The following PXK variants were observed in gnomAD, a reference collection of about 807,000 sequenced individuals.
PXK encodes the protein PX domain-containing protein kinase-like protein.
PXK carries 35 observed loss-of-function variants against 84.7 expected under a neutral mutation model. The ratio of observed to expected loss-of-function variants is 0.41; its 90% CI spans 0.32 to 0.55. The LOEUF (loss-of-function observed/expected upper bound fraction) is 0.55, where lower values mean the gene tolerates loss of function less well. Among genes scored for constraint, PXK ranks in the 20% least tolerant of loss-of-function variants. PXK has a pLI of 0.21. For synonymous variants in PXK, 253 were observed against 260.8 expected (o/e 0.97, Z 0.29); for missense variants, 634 against 699.7 (o/e 0.91, Z 1.06).
chr3:58,382,830 A>T, intron 4 of PXK, 130 bp downstream of exon 4: 2 of 640,536 alleles, frequency 3.1e-6, no homozygotes, highest in Admixed American at 3.9e-5. Flanking sequence ...GCATATTATG[A>T]ATTTACTAAG....
At chr3:58,402,919 AC>A (rs1269524092) in intron 12 of PXK, among the ~76,000 whole-genome samples, 43 of 152,120 alleles carry the variant, frequency 2.8e-4, no homozygotes, top group African/African-American at 1.0e-3. Flanking sequence ...TAAGCCCAGT[AC>A]GCAATATTTA....
intron 17 of PXK, chr3:58,422,845 A>G (rs867843831): frequency 3.0e-6 from 3 of 985,370 alleles, no homozygotes; most frequent in South Asian, 4.7e-5. Context: ...ACTCCCAAGT[A>G]CCGCCGCAGC....
Position 58,407,676 on chromosome 3 carries a change from C to G in PXK, c.1231-1248C>G, listed in dbSNP as rs1451658797. 6.6e-6 allele frequency among the ~76,000 whole-genome samples: 1 copy of G among 152,118 alleles called. No homozygotes were observed. The highest frequency in any genetic ancestry group is 1.5e-5 in the Non-Finnish European group (1 of 68,018). ...TCCCAGGTTCAAGTGATCTTCCTGC[C>G]TCAGCCTCCCAAGTAGATTACAGGC... is the stretch of plus-strand genomic sequence containing the variant. On this transcript the variant is annotated intron_variant, in intron 13 of 17. Coordinates refer to ENST00000356151, the MANE Select transcript of PXK (RefSeq NM_017771.5). This position sits in a 1 kb window ranked among gnomAD's most constrained non-coding sequence, Gnocchi z 4.3.
intron 1 of PXK, among the ~76,000 whole-genome samples, chr3:58,355,591 A>C (rs1369748865): frequency 6.6e-6 from 1 of 152,258 alleles, no homozygotes; most frequent in Non-Finnish European, 1.5e-5. Flanking sequence ...TTGAGTACCT[A>C]CTACTGTGCA....
rs71311853 is a variant in PXK at position 58,333,425 on chromosome 3, C to G, written c.102+335C>G. 2 of 343,292 alleles carry G rather than the reference C, an allele frequency of 5.8e-6. No individual in the cohort carries two copies. The highest frequency in any genetic ancestry group is 2.1e-5 in the South Asian group (1 of 47,468). 21.3% of individuals were successfully genotyped at this position (343,292 alleles called of 1,614,324 possible). A position where few individuals can be genotyped will look rare whatever the true frequency, so the allele number is the denominator to read the frequency against. On this transcript the variant is annotated intron_variant, in intron 1 of 17. Coordinates refer to ENST00000356151, the MANE Select transcript of PXK (RefSeq NM_017771.5). The surrounding 1 kb of genome is among the most constrained non-coding windows in gnomAD (Gnocchi z 5.4). ...CCGGGCTCACCTTGGACTAGGGGAG[C>G]AGGAACGAGACCGCTCAGGACCATC...
At chr3:58,347,622 C>G (rs2097847508) in intron 1 of PXK, among the ~76,000 whole-genome samples, 1 of 152,008 alleles carries the variant, frequency 6.6e-6, no homozygotes, top group Non-Finnish European at 1.5e-5. Flanking sequence ...ATCCATTCAC[C>G]AGTTGGTAGA....
intron 6 of PXK, 54 bp downstream of exon 6, chr3:58,391,274 A>G (rs1317716480): frequency 2.1e-6 from 3 of 1,438,766 alleles, no homozygotes; most frequent in African/African-American, 1.4e-5. Context: ...GGGTTAATGA[A>G]AGCAGATTTG....
At chr3:58,345,326 G>T (rs987673208) in intron 1 of PXK, among the ~76,000 whole-genome samples, 3 of 152,054 alleles carry the variant, frequency 2.0e-5, no homozygotes, top group African/African-American at 7.3e-5. Flanking sequence ...ATAGGGAATG[G>T]TACAGACTCT....
Position 58,360,620 on chromosome 3 carries a change from C to T in PXK, c.103-5254C>T, listed in dbSNP as rs183150204. Among the ~76,000 whole-genome samples the T allele has an allele frequency of 2.8e-3, 428 of 152,014 alleles. 2 individuals carry two copies. The highest frequency in any genetic ancestry group is 5.1e-3 in the Non-Finnish European group (345 of 67,984). On this transcript the variant is annotated intron_variant, in intron 1 of 17. Coordinates refer to ENST00000356151, the MANE Select transcript of PXK (RefSeq NM_017771.5). ...CCCAGGGTGGGCAGATCACTTGAGTCCAGGAGTTTGAGACCAGCCTGGGCA... is the reference window on the plus strand; with the variant it reads ...CCCAGGGTGGGCAGATCACTTGAGTTCAGGAGTTTGAGACCAGCCTGGGCA...
Position 58,383,297 on chromosome 3 carries a change from G to GATA in PXK, c.388+612_388+614dup, listed in dbSNP as rs886102818. Among the ~76,000 whole-genome samples, 3 of 151,820 alleles carry GATA rather than the reference G, an allele frequency of 2.0e-5. No individual in the cohort carries two copies. The highest frequency in any genetic ancestry group is 6.6e-5 in the Admixed American group (1 of 15,226). ...ACAGAGCAAGACTCTGTCTTAAAAA[G>GATA]ATAATAATAATAATAATTAATCCAC... On this transcript the variant is annotated intron_variant, in intron 4 of 17. Transcript: ENST00000356151. The surrounding 1 kb of genome is among the most constrained non-coding windows in gnomAD (Gnocchi z 4.0).
chr3:58,386,290 CTTTTTT>C lies in PXK; in HGVS notation c.388+3608_388+3613del, dbSNP rs752411806. Among the ~76,000 whole-genome samples the C allele has an allele frequency of 6.7e-4, 55 of 82,254 alleles. 1 individual carries two copies. Among genetic ancestry groups the C allele is most frequent in the Admixed American group, 1.9e-3 (10 of 5,236 alleles). The allele number at this position is 82,254 out of a possible 152,430, so 54.0% of individuals were successfully genotyped here. ...CTATCTCACACATATATCCCCCTTA[CTTTTTT>C]TTTTTTTTTTTTTTTTTGAGACAGA... On this transcript the variant is annotated intron_variant, in intron 4 of 17. Coordinates refer to ENST00000356151, the MANE Select transcript of PXK (RefSeq NM_017771.5).
chr3:58,404,762 C>CA (rs2059138738), intron 13 of PXK, among the ~76,000 whole-genome samples: 1 of 151,996 alleles, frequency 6.6e-6, no homozygotes, highest in Non-Finnish European at 1.5e-5. Context: ...TCCAAAAGAA[C>CA]ATGTAATACT....
rs192973456 is a variant in PXK at position 58,412,443 on chromosome 3, A to G, written c.1466-458A>G. Among the ~76,000 whole-genome samples the G allele has an allele frequency of 1.3e-5, 2 of 152,278 alleles. No homozygotes were observed. The highest frequency in any genetic ancestry group is 1.3e-4 in the Admixed American group (2 of 15,300). The stretch of plus-strand genomic sequence containing the variant: ...CTAGTTGATTCTACCTGCTGATAAA[A>G]TGGAACTTCGGCAGAATGCGTTACT... On this transcript the variant is annotated intron_variant, in intron 16 of 17. Transcript: ENST00000356151. This position sits in a 1 kb window ranked among gnomAD's most constrained non-coding sequence, Gnocchi z 6.2.
rs1354466279 is a variant in PXK at position 58,420,445 on chromosome 3, T to G, written c.1529-4307T>G. ...ATCAGCTTGTGATTCAGACTAATATTTTACTGTCTGTTACTATTTGATTAA... is the reference window on the plus strand; with the variant it reads ...ATCAGCTTGTGATTCAGACTAATATGTTACTGTCTGTTACTATTTGATTAA... On this transcript the variant is annotated intron_variant, in intron 17 of 17. Transcript: ENST00000356151. 4 of 1,448,338 alleles carry G rather than the reference T, an allele frequency of 2.8e-6. No homozygotes were observed. The Admixed American group carries it at 7.9e-5, about 29-fold the overall frequency. The allele number at this position is 1,448,338 out of a possible 1,614,324, so 89.7% of individuals were successfully genotyped here.
intron 1 of PXK, among the ~76,000 whole-genome samples, chr3:58,337,101 T>C (rs943273439): frequency 2.0e-5 from 3 of 152,194 alleles, no homozygotes; most frequent in Non-Finnish European, 2.9e-5. Flanking sequence ...TGAGCCACCA[T>C]GCCTGGCAGT....
chr3:58,359,889 T>G (rs141662567), intron 1 of PXK, among the ~76,000 whole-genome samples: 102 of 152,308 alleles, frequency 6.7e-4, no homozygotes, highest in African/African-American at 2.4e-3. Flanking sequence ...AGCTCATGCC[T>G]ATAATCCCAG....
At position 58,374,883 on chromosome 3, in the gene PXK, A is replaced by AT. The variant is rs200951405; in HGVS notation, c.201+5413dup. 2.8e-3 allele frequency among the ~76,000 whole-genome samples: 433 copies of AT among 152,112 alleles called. 1 individual carries two copies. The highest frequency in any genetic ancestry group is 0.01 in the African/African-American group (420 of 41,512). On this transcript the variant is annotated intron_variant, in intron 3 of 17. Coordinates refer to ENST00000356151, the MANE Select transcript of PXK (RefSeq NM_017771.5). ...TTGCATAGTCTGAGTACCTTTAGGA[A>AT]TTTTTTTTGTGAGATCTTAAACTTA...
In PXK at chr3:58,390,720, A is replaced by T; in HGVS notation, c.466+61A>T. 1 of 1,460,802 alleles carries T rather than the reference A, an allele frequency of 6.8e-7. No individual in the cohort carries two copies. The allele number at this position is 1,460,802 out of a possible 1,614,324, so 90.5% of individuals were successfully genotyped here. ...AGATCACAGAACTGGATCCTTAGTCATGCTTTCTGATACGTATCCCAGGAA... is the reference window on the plus strand; with the variant it reads ...AGATCACAGAACTGGATCCTTAGTCTTGCTTTCTGATACGTATCCCAGGAA... On this transcript the variant is annotated intron_variant, in intron 5 of 17. Transcript: ENST00000356151. The surrounding 1 kb of genome is among the most constrained non-coding windows in gnomAD (Gnocchi z 4.2).
At position 58,424,945 on chromosome 3, in the gene PXK, T is replaced by C. The variant is rs370799202; in HGVS notation, c.1722T>C (p.Ala574=). 7 of 1,613,976 alleles carry C rather than the reference T, an allele frequency of 4.3e-6. No individual in the cohort carries two copies. Among genetic ancestry groups the C allele is most frequent in the Middle Eastern group, 3.3e-4 (2 of 6,084 alleles). The stretch of plus-strand genomic sequence containing the variant: ...AAGCCAAAACCTGTGATCACAGTGC[T>C]CCGAAGATCGGCTGAAGCTTCCTGT... ...LRKAKTCDHS[A]PKIG is the part of the protein sequence containing the mutation. Residue 574 remains alanine, a synonymous_variant, in exon 18 of 18, where the codon GCT becomes GCC. Coordinates refer to ENST00000356151, the MANE Select transcript of PXK (RefSeq NM_017771.5).
Sources: gnomAD v4.1 joint callset for allele counts (sites outside exome capture counted in the v4.1 genomes callset) on GRCh38, gnomAD v4.1.1 for gene constraint, Gnocchi (gnomAD v3.1) non-coding constraint, MANE v1.5 for transcripts, NCBI Gene and HGNC (gene_info 2026-07-23, HGNC 2026-07-21) for gene names.